Variants in TRAPPC3L observed in about 807,000 individuals in gnomAD.
The protein encoded by TRAPPC3L is trafficking protein particle complex subunit 3L.
In TRAPPC3L, 23 loss-of-function variants were observed where a neutral mutation model predicts 23.7. That is an observed-to-expected ratio of 0.97 (90% CI 0.70 to 1.37). The LOEUF (loss-of-function observed/expected upper bound fraction) is 1.37. Among genes scored for constraint, TRAPPC3L ranks in the 40% most tolerant of loss-of-function variants. The pLI is 0.00. For synonymous variants in TRAPPC3L, 81 were observed against 77.9 expected (o/e 1.04, Z -0.21); for missense variants, 212 against 216.8 (o/e 0.98, Z 0.14).
intron 3 of TRAPPC3L, among the ~76,000 whole-genome samples, chr6:116,533,431 G>A (rs1415356828): frequency 6.6e-6 from 1 of 152,204 alleles, no homozygotes; most frequent in Admixed American, 6.5e-5. Flanking sequence ...ACTCTAGCAA[G>A]AAAAACACGT....
intron 3 of TRAPPC3L, among the ~76,000 whole-genome samples, chr6:116,532,702 A>C (rs1027910497): frequency 2.6e-5 from 4 of 152,242 alleles, no homozygotes; most frequent in African/African-American, 7.2e-5. Context: ...GTACAAAATA[A>C]GCTGGTCAAC....
At chr6:116,540,517 G>A (rs1172817313) in intron 2 of TRAPPC3L, 55 bp from the exon 3 acceptor site, 13 of 1,512,938 alleles carry the variant, frequency 8.6e-6, no homozygotes, top group African/African-American at 1.4e-5. Context: ...AGTGAAGTCT[G>A]TCAGTTTTTA....
intron 3 of TRAPPC3L, chr6:116,519,499 C>T (rs891694874): frequency 6.6e-6 from 1 of 152,120 alleles, no homozygotes; most frequent in Non-Finnish European, 1.5e-5. Flanking sequence ...GACATTGGCA[C>T]CCTGGATTTG....
rs1172068566 is a variant in TRAPPC3L at position 116,543,392 on chromosome 6, A to G, written c.51T>C (p.Asp17=). The change falls in exon 2 of 5, where the codon GAT becomes GAC. Residue 17 remains aspartate, a synonymous_variant. Transcript: ENST00000368602. The part of the protein sequence containing the change: ...RRPEYHKINK[D]LFVLTYGALV... ...GAGCTCCATAGGTAAGGACAAAGAG[A>G]TCTTTATTCTGGAGAAAAAGGGGTA... 3.2e-6 allele frequency: 5 copies of G among 1,548,836 alleles called. No homozygotes were observed. Among genetic ancestry groups the G allele is most frequent in the African/African-American group, 1.4e-5 (1 of 73,034 alleles).
At position 116,519,650 on chromosome 6, in the gene TRAPPC3L, T is replaced by C. The variant is rs1188515834; in HGVS notation, c.241-18984A>G. Reference sequence around the variant, plus strand: ...CTGACTCCCTTTTAATACTTCTAATTTTCCCTGAAGATCTGGTCTTCTCCC... The same window carrying C: ...CTGACTCCCTTTTAATACTTCTAATCTTCCCTGAAGATCTGGTCTTCTCCC... On this transcript the variant is annotated intron_variant, in intron 3 of 4. Coordinates refer to ENST00000368602, the MANE Select transcript of TRAPPC3L (RefSeq NM_001139444.3). 3 of 152,300 alleles carry C rather than the reference T, an allele frequency of 2.0e-5. No individual in the cohort carries two copies. The East Asian group carries it at 5.8e-4, about 29-fold the overall frequency. The allele number at this position is 152,300 out of a possible 1,614,324, so 9.4% of individuals were successfully genotyped here.
intron 2 of TRAPPC3L, among the ~76,000 whole-genome samples, chr6:116,542,089 A>G (rs1352386214): frequency 6.6e-6 from 1 of 152,194 alleles, no homozygotes; most frequent in East Asian, 1.9e-4. Context: ...TCACAAAACA[A>G]TGCAAGTTTA....
intron 3 of TRAPPC3L, among the ~76,000 whole-genome samples, chr6:116,509,336 A>G (rs1317898533): frequency 6.6e-6 from 1 of 152,168 alleles, no homozygotes. Flanking sequence ...CAGAATTAGA[A>G]AAAACAATCC....
intron 3 of TRAPPC3L, among the ~76,000 whole-genome samples, chr6:116,528,285 G>T (rs1375130430): frequency 2.6e-5 from 4 of 152,208 alleles, no homozygotes; most frequent in Non-Finnish European, 5.9e-5. Flanking sequence ...TTCTGGGTTT[G>T]ATCCAATCAG....
At chr6:116,510,577 G>A (rs372464640) in intron 3 of TRAPPC3L, among the ~76,000 whole-genome samples, 29 of 151,940 alleles carry the variant, frequency 1.9e-4, no homozygotes, top group African/African-American at 6.3e-4. Context: ...CATGAACCAC[G>A]GCACCTTTCT....
Sources: allele counts gnomAD v4.1 joint callset (sites outside exome capture counted in the v4.1 genomes callset), GRCh38; gene constraint gnomAD v4.1.1; transcripts MANE v1.5; gene names NCBI Gene and HGNC (gene_info 2026-07-23, HGNC 2026-07-21).